Variants in ATXN3 observed in about 807,000 individuals in gnomAD.
The protein encoded by ATXN3 is ataxin 3, also known as ataxin-3.
In ATXN3, 28 loss-of-function variants were observed where a neutral mutation model predicts 58.2. That is an observed-to-expected ratio of 0.48 (90% CI 0.36 to 0.66). ATXN3 has a LOEUF of 0.66. ATXN3 is among the 30% of genes least tolerant of loss of function. The pLI, the probability that ATXN3 is intolerant of heterozygous loss-of-function variation, is 0.00. For synonymous variants in ATXN3, 113 were observed against 138.5 expected (o/e 0.82, Z 1.29); for missense variants, 321 against 422.1 (o/e 0.76, Z 2.10).
chr14:92,077,750 T>C (rs745392740), intron 9 of ATXN3: 2 of 152,150 alleles, frequency 1.3e-5, no homozygotes, highest in Non-Finnish European at 2.9e-5. Context: ...GTTCAAACGA[T>C]TCTCCTGCCT....
At position 92,097,748 on chromosome 14, in the gene ATXN3, A is replaced by C. The variant is rs576952294; in HGVS notation, c.25-910T>G. Among the ~76,000 whole-genome samples the C allele has an allele frequency of 1.6e-4, 24 of 152,012 alleles. No homozygotes were observed. The East Asian group carries it at 4.5e-3, about 28-fold the overall frequency. ...CACAATGTTAGCCAGGATGGTCTCG[A>C]TCTCCTGACCTCGTGATCTGCCCAC... On this transcript the variant is annotated intron_variant, in intron 1 of 10. Coordinates refer to ENST00000644486, the MANE Select transcript of ATXN3 (RefSeq NM_004993.6).
intron 8 of ATXN3, among the ~76,000 whole-genome samples, chr14:92,081,513 C>G (rs1238841985): frequency 2.8e-5 from 4 of 141,800 alleles, no homozygotes; most frequent in African/African-American, 1.0e-4. Context: ...AGAAAGAAAT[C>G]TAAAGCTGAT....
Position 92,078,007 on chromosome 14 carries a change from C to G in ATXN3, c.872+2958G>C, listed in dbSNP as rs554272901. Reference sequence around the variant, plus strand: ...TTTTTTTTTTTGAGGCGGAGTTTCACTCTGTCACCCAGGCTGGAGTGCAGT... The same window carrying G: ...TTTTTTTTTTTGAGGCGGAGTTTCAGTCTGTCACCCAGGCTGGAGTGCAGT... On this transcript the variant is annotated intron_variant, in intron 9 of 10. Transcript: ENST00000644486. 3.2e-4 allele frequency among the ~76,000 whole-genome samples: 48 copies of G among 149,938 alleles called. 2 individuals carry two copies. The South Asian group carries it at 9.3e-3, about 29-fold the overall frequency.
chr14:92,070,719 T>C (rs2059269232), intron 10 of ATXN3: 12 of 1,276,660 alleles, frequency 9.4e-6, no homozygotes, highest in Non-Finnish European at 1.3e-5. Flanking sequence ...GTGCTGGGAT[T>C]ACAGATGTGA....
chr14:92,067,102 G>A (rs2058591055), intron 10 of ATXN3, among the ~76,000 whole-genome samples: 1 of 151,986 alleles, frequency 6.6e-6, no homozygotes, highest in South Asian at 2.1e-4. Context: ...TAGAAAAAAT[G>A]TTGTATGTAC....
chr14:92,050,067 T>G (rs919274527), upstream of ATXN3, among the ~76,000 whole-genome samples: 2 of 152,200 alleles, frequency 1.3e-5, no homozygotes, highest in African/African-American at 4.8e-5. Flanking sequence ...CTGAAGAAAC[T>G]TAATAAATAA....
intron 9 of ATXN3, chr14:92,080,484 G>A (rs1266183055): frequency 1.3e-5 from 2 of 152,638 alleles, no homozygotes; most frequent in African/African-American, 4.8e-5. Flanking sequence ...TTGGGGCAAG[G>A]TTTTTTTGTT....
chr14:92,084,611 C>CT (rs1380957094), intron 6 of ATXN3, among the ~76,000 whole-genome samples: 1 of 150,362 alleles, frequency 6.7e-6, no homozygotes, highest in African/African-American at 2.5e-5. Context: ...GAGTCTCACT[C>CT]TGTCACCCAG....
At chr14:92,098,350 G>C (rs978272933) in intron 1 of ATXN3, among the ~76,000 whole-genome samples, 1 of 152,150 alleles carries the variant, frequency 6.6e-6, no homozygotes, top group Admixed American at 6.5e-5. Context: ...CAGTTTGGGA[G>C]GCCGAGGTGG....
intron 9 of ATXN3, among the ~76,000 whole-genome samples, chr14:92,079,671 G>C (rs145601160): frequency 6.6e-6 from 1 of 152,298 alleles, no homozygotes; most frequent in Non-Finnish European, 1.5e-5. Context: ...ATTGAGCTAT[G>C]ACTCTGTTTT....
chr14:92,087,564 G>T (rs1321240824), intron 6 of ATXN3, among the ~76,000 whole-genome samples: 1 of 152,180 alleles, frequency 6.6e-6, no homozygotes, highest in Non-Finnish European at 1.5e-5. Context: ...TACAGGAATG[G>T]ACAAGGCCAA....
chr14:92,066,916 C>T (rs111669194), intron 10 of ATXN3, among the ~76,000 whole-genome samples: 4 of 151,930 alleles, frequency 2.6e-5, no homozygotes, highest in East Asian at 1.9e-4. Context: ...ATTATAGGTG[C>T]GTGCCACCAC....
chr14:92,102,768 A>C (rs1332748247), intron 1 of ATXN3, among the ~76,000 whole-genome samples: 2 of 152,252 alleles, frequency 1.3e-5, no homozygotes, highest in Non-Finnish European at 1.5e-5. Flanking sequence ...ACTAGAGGAC[A>C]GGGATACTAA....
At position 92,081,491 on chromosome 14, in the gene ATXN3, GA is replaced by G. The variant is rs1184878700; in HGVS notation, c.776-431del. Among the ~76,000 whole-genome samples the G allele has an allele frequency of 2.1e-3, 249 of 121,406 alleles. 1 individual carries two copies. Among genetic ancestry groups the G allele is most frequent in the Admixed American group, 5.7e-3 (68 of 11,900 alleles). 79.6% of individuals were successfully genotyped at this position (121,406 alleles called of 152,430 possible). The stretch of plus-strand genomic sequence containing the variant: ...AAAAAAAAAAAAAAAAAAAAAGAAA[GA>G]AAAAAAAAAAAGAAAGAAATCTAAA... On this transcript the variant is annotated intron_variant, in intron 8 of 10. Coordinates refer to ENST00000644486, the MANE Select transcript of ATXN3 (RefSeq NM_004993.6).
At chr14:92,089,332 CTTTTTTTTTTTT>C (rs1157498754) in intron 5 of ATXN3, among the ~76,000 whole-genome samples, 1 of 60,738 alleles carries the variant, frequency 1.6e-5, no homozygotes, top group Admixed American at 1.7e-4. Context: ...GCTAAATACT[CTTTTTTTTTTTT>C]TTTTTTTTTT....
At chr14:92,082,161 G>C in intron 8 of ATXN3, 139 bp downstream of exon 8, 1 of 877,396 alleles carries the variant, frequency 1.1e-6, no homozygotes, top group African/African-American at 1.7e-5. Flanking sequence ...GAAATCTAAA[G>C]GGAAAGCCCA....
chr14:92,069,186 C>G (rs1436188197), intron 10 of ATXN3, among the ~76,000 whole-genome samples: 1 of 149,812 alleles, frequency 6.7e-6, no homozygotes, highest in African/African-American at 2.5e-5. Context: ...TCAAGTGATT[C>G]TCCTGCCTCA....
At chr14:92,103,304 A>G (rs1267887995) in intron 1 of ATXN3, among the ~76,000 whole-genome samples, 1 of 103,202 alleles carries the variant, frequency 9.7e-6, no homozygotes, top group African/African-American at 3.3e-5. Context: ...ACATGCACAA[A>G]TAAGAATGTG....
chr14:92,080,626 C>A, intron 9 of ATXN3: 1 of 330,966 alleles, frequency 3.0e-6, no homozygotes, highest in Non-Finnish European at 5.9e-6. Flanking sequence ...CTCCACGTCC[C>A]GGGTTCAAGC....
Sources: allele counts gnomAD v4.1 joint callset (sites outside exome capture counted in the v4.1 genomes callset), GRCh38; gene constraint gnomAD v4.1.1; transcripts MANE v1.5; gene names NCBI Gene and HGNC (gene_info 2026-07-23, HGNC 2026-07-21).